Variants in TRMT5 observed in about 807,000 individuals in gnomAD.
TRMT5 encodes the protein tRNA (guanine(37)-N(1))-methyltransferase.
Under a neutral mutation model 42.2 loss-of-function variants are expected in TRMT5, and 31 were observed. The observed-to-expected ratio is 0.73, with a 90% CI of 0.55 to 0.99. TRMT5 has a LOEUF of 0.99. TRMT5 is among the 50% of genes least tolerant of loss of function. The probability of loss-of-function intolerance (pLI) is 0.00; values close to 1 mark genes in which losing one functional copy is unlikely to be tolerated. For missense variants in TRMT5, 568 were observed against 595.0 expected (o/e 0.95, Z 0.47); for synonymous variants, 198 against 209.6 (o/e 0.94, Z 0.48).
intron 1 of TRMT5, 90 bp from the exon 2 acceptor site, chr14:60,979,976 A>C (rs1011128790): frequency 1.5e-6 from 2 of 1,359,032 alleles, no homozygotes; most frequent in Admixed American, 5.2e-5. Flanking sequence ...CTAAATGCTG[A>C]CAAATAAAAC....
rs755184077 is a variant in TRMT5, at chr14:60,979,582, CTATT to C, written c.312_315del (p.Ile105SerfsTer4). The C allele has an allele frequency of 9.0e-4, 1,456 of 1,614,150 alleles. No individual in the cohort carries two copies. The highest frequency in any genetic ancestry group is 1.0e-3 in the Non-Finnish European group (1,224 of 1,180,028). On this transcript the variant is annotated frameshift_variant, in exon 2 of 5. Transcript: ENST00000261249. LOFTEE classifies it high-confidence loss of function. ...TTTAGGGATCGCATCAATTTACTGA[CTATT>C]TCTTTCCTCACTTTAAGCACTGGAA...
intron 2 of TRMT5, among the ~76,000 whole-genome samples, chr14:60,978,608 G>T (rs912813914): frequency 1.3e-5 from 2 of 152,064 alleles, no homozygotes; most frequent in African/African-American, 2.4e-5. Context: ...CTCTATGAAA[G>T]AAAGTTTATA....
Position 60,981,006 on chromosome 14 carries a change from C to A in TRMT5, c.-33G>T. The A allele has an allele frequency of 1.9e-6, 3 of 1,609,240 alleles. No individual in the cohort carries two copies. Among genetic ancestry groups the A allele is most frequent in the Non-Finnish European group, 2.5e-6 (3 of 1,179,784 alleles). On this transcript the variant is annotated 5_prime_UTR_variant, in exon 1 of 5. Coordinates refer to ENST00000261249, the MANE Select transcript of TRMT5 (RefSeq NM_020810.3). Reference sequence around the variant, plus strand: ...CCCCACGTCGCTCTGCAGCTGGATCCGCGAGCCGACCCCTCACCTCCCGCT... The same window carrying A: ...CCCCACGTCGCTCTGCAGCTGGATCAGCGAGCCGACCCCTCACCTCCCGCT...
rs749174605 is a variant in TRMT5, at chr14:60,979,218, A to G, written c.667+13T>C. Reference sequence around the variant, plus strand: ...TCCCTTCAAATACATGAATATTACTATGACACACGTACCAATTAAATGTTT... The same window carrying G: ...TCCCTTCAAATACATGAATATTACTGTGACACACGTACCAATTAAATGTTT... On this transcript the variant is annotated intron_variant, in intron 2 of 4. Coordinates refer to ENST00000261249, the MANE Select transcript of TRMT5 (RefSeq NM_020810.3). 1.3e-6 allele frequency: 2 copies of G among 1,564,772 alleles called. No homozygotes were observed. The highest frequency in any genetic ancestry group is 4.0e-5 in the Admixed American group (2 of 50,472).
Position 60,979,617 on chromosome 14 carries a change from ACTGT to A in TRMT5, c.277_280del (p.Thr93SerfsTer8), listed in dbSNP as rs1157874643. The A allele has an allele frequency of 1.9e-6, 3 of 1,613,976 alleles. No homozygotes were observed. The highest frequency in any genetic ancestry group is 2.5e-6 in the Non-Finnish European group (3 of 1,180,026). Reference sequence around the variant, plus strand: ...CCTCACTTTAAGCACTGGAATGTTGACTGTCTTTTTAAAAGCTGTTCTATCAAGT... The same window carrying A: ...CCTCACTTTAAGCACTGGAATGTTGACTTTTTAAAAGCTGTTCTATCAAGT... On this transcript the variant is annotated frameshift_variant, in exon 2 of 5. Coordinates refer to ENST00000261249, the MANE Select transcript of TRMT5 (RefSeq NM_020810.3). LOFTEE classifies it high-confidence loss of function.
chr14:60,972,279 C>G lies in TRMT5; in HGVS notation c.*2830G>C, dbSNP rs190788222. The G allele has an allele frequency of 8.8e-4, 470 of 534,246 alleles. 3 individuals carry two copies. The highest frequency in any genetic ancestry group is 6.4e-3 in the African/African-American group (334 of 52,274). 33.1% of individuals were successfully genotyped at this position (534,246 alleles called of 1,614,324 possible). ...ATCTCCAGCACCTTCCCGCTCCTTGCCAGCATCAGCTTTTCTCTTTTTCCC... is the reference window on the plus strand; with the variant it reads ...ATCTCCAGCACCTTCCCGCTCCTTGGCAGCATCAGCTTTTCTCTTTTTCCC... On this transcript the variant is annotated 3_prime_UTR_variant, in exon 5 of 5. Coordinates refer to ENST00000261249, the MANE Select transcript of TRMT5 (RefSeq NM_020810.3).
rs116677110 is a variant in TRMT5 at position 60,977,983 on chromosome 14, A to G, written c.668-345T>C. ...CACAAGGAATTGGGAAAGAATGGAAAGAGATGTAAAGGACCCTGGCAACAA... is the reference window on the plus strand; with the variant it reads ...CACAAGGAATTGGGAAAGAATGGAAGGAGATGTAAAGGACCCTGGCAACAA... On this transcript the variant is annotated intron_variant, in intron 2 of 4. Transcript: ENST00000261249. Among the ~76,000 whole-genome samples the G allele has an allele frequency of 7.1e-3, 1,089 of 152,348 alleles. 17 individuals are homozygous for G. The highest frequency in any genetic ancestry group is 0.025 in the African/African-American group (1,033 of 41,590).
rs1490879152 is a variant in TRMT5 at position 60,976,050 on chromosome 14, C to T, written c.869G>A (p.Ser290Asn). Residue 290 changes from serine (S) to asparagine (N), a missense_variant, in exon 4 of 5, where the codon AGC becomes AAC. Coordinates refer to ENST00000261249, the MANE Select transcript of TRMT5 (RefSeq NM_020810.3). ...YWNPRLSTEHSRITELLKPGD... is the reference protein window; with the variant it reads ...YWNPRLSTEHNRITELLKPGD... ...AGGTTTGAGAAGTTCTGTGATACGGCTGTGTTCTGTAGACAGACGAGGATT... is the reference window on the plus strand; with the variant it reads ...AGGTTTGAGAAGTTCTGTGATACGGTTGTGTTCTGTAGACAGACGAGGATT... 1.9e-6 allele frequency: 3 copies of T among 1,614,192 alleles called. No individual in the cohort carries two copies. The highest frequency in any genetic ancestry group is 2.5e-6 in the Non-Finnish European group (3 of 1,180,008).
rs2036799331 is a variant in TRMT5 at position 60,973,130 on chromosome 14, T to C, written c.*1979A>G. 1 of 152,234 alleles carries C rather than the reference T, an allele frequency of 6.6e-6. No homozygotes were observed. Among genetic ancestry groups the C allele is most frequent in the Non-Finnish European group, 1.5e-5 (1 of 68,052 alleles). 9.4% of individuals were successfully genotyped at this position (152,234 alleles called of 1,614,324 possible). A position where few individuals can be genotyped will look rare whatever the true frequency, so the allele number is the denominator to read the frequency against. ...ATAGTATGACAAATGTGTAAGGATA[T>C]TGTCATCAAATATTGTGATTCAAAT... On this transcript the variant is annotated 3_prime_UTR_variant, in exon 5 of 5. Coordinates refer to ENST00000261249, the MANE Select transcript of TRMT5 (RefSeq NM_020810.3).
rs2139637143 is a variant in TRMT5, at chr14:60,972,872, A to G, written c.*2237T>C. On this transcript the variant is annotated 3_prime_UTR_variant, in exon 5 of 5. Coordinates refer to ENST00000261249, the MANE Select transcript of TRMT5 (RefSeq NM_020810.3). ...TTAACTGAGCATATTCATCACTTGGAAAGCATTTGTAAAATTCTTTTACAT... is the reference window on the plus strand; with the variant it reads ...TTAACTGAGCATATTCATCACTTGGGAAGCATTTGTAAAATTCTTTTACAT... 6.5e-6 allele frequency: 1 copy of G among 152,702 alleles called. No individual in the cohort carries two copies. Among genetic ancestry groups the G allele is most frequent in the East Asian group, 1.9e-4 (1 of 5,192 alleles). 9.5% of individuals were successfully genotyped at this position (152,702 alleles called of 1,614,324 possible). A position where few individuals can be genotyped will look rare whatever the true frequency, so the allele number is the denominator to read the frequency against.
At chr14:60,980,181 T>A (rs1594929894) in intron 1 of TRMT5, among the ~76,000 whole-genome samples, 1 of 152,322 alleles carries the variant, frequency 6.6e-6, no homozygotes, top group Non-Finnish European at 1.5e-5. Flanking sequence ...AGATAATACA[T>A]TTGGGATTGG....
chr14:60,981,365 A>C (rs564284044), upstream of TRMT5: 4 of 1,605,340 alleles, frequency 2.5e-6, no homozygotes, highest in African/African-American at 2.7e-5. Context: ...CGAAGAGTTG[A>C]GTCCGTTGCT....
At chr14:60,976,909 T>G (rs2139642079) in intron 3 of TRMT5, among the ~76,000 whole-genome samples, 1 of 152,334 alleles carries the variant, frequency 6.6e-6, no homozygotes, top group South Asian at 2.1e-4. Context: ...TCAGCCATCA[T>G]CTTAAACTCA....
rs1283560914 is a variant in TRMT5 at position 60,975,174 on chromosome 14, G to C, written c.1465C>G (p.Leu489Val). The change falls in exon 5 of 5, where the codon CTT becomes GTT. Residue 489 changes from leucine (L) to valine (V), a missense_variant. By Grantham distance (32) the Leu-to-Val change is conservative (BLOSUM62 1). Transcript: ENST00000261249. The part of the protein sequence containing the change: ...RNPENHEDPP[L>V]KRQRTAEAFS... ...GCTTCAGCCGTCCTCTGCCTTTTAA[G>C]AGGTGGATCTTCATGATTCTCTGTA... 3 of 1,607,684 alleles carry C rather than the reference G, an allele frequency of 1.9e-6. No individual in the cohort carries two copies. In the South Asian group the frequency reaches 3.3e-5, roughly 18 times the overall value.
intron 2 of TRMT5, among the ~76,000 whole-genome samples, chr14:60,978,844 A>AT (rs1490324806): frequency 1.3e-5 from 2 of 152,230 alleles, no homozygotes; most frequent in African/African-American, 4.8e-5. Context: ...CAATGAAAGC[A>AT]TAAGTAAACA....
At chr14:60,981,325 C>T, upstream of TRMT5, 1 of 1,610,968 alleles carries the variant, frequency 6.2e-7, no homozygotes, top group Non-Finnish European at 8.5e-7. Flanking sequence ...GCTGGTATGT[C>T]TCTGTCCAGC....
At position 60,975,202 on chromosome 14, in the gene TRMT5, A is replaced by G. The variant is rs776094703; in HGVS notation, c.1445-8T>C. On this transcript the variant is annotated splice_region_variant and splice_polypyrimidine_tract_variant and intron_variant, in intron 4 of 4. Coordinates refer to ENST00000261249, the MANE Select transcript of TRMT5 (RefSeq NM_020810.3). ...GTGGATCTTCATGATTCTCTGTAAT[A>G]AATCCAGAAAACCTATTTTAGGTAA... 1.3e-6 allele frequency: 2 copies of G among 1,593,742 alleles called. No individual in the cohort carries two copies. The highest frequency in any genetic ancestry group is 1.4e-5 in the African/African-American group (1 of 73,628).
Position 60,974,977 on chromosome 14 carries a change from T to C in TRMT5, c.*132A>G, listed in dbSNP as rs1036534925. 1.9e-6 allele frequency: 1 copy of C among 530,322 alleles called. No individual in the cohort carries two copies. Among genetic ancestry groups the C allele is most frequent in the South Asian group, 4.4e-5 (1 of 22,490 alleles). The allele number at this position is 530,322 out of a possible 1,614,324, so 32.9% of individuals were successfully genotyped here. ...AGTTCAGTTAAAGTTTAATTGGTAA[T>C]CCTCAATTTGTAAAATAAGGCAAAG... On this transcript the variant is annotated 3_prime_UTR_variant, in exon 5 of 5. Transcript: ENST00000261249.
At chr14:60,975,432 T>C in intron 4 of TRMT5, 43 bp downstream of exon 4, 3 of 1,580,064 alleles carry the variant, frequency 1.9e-6, no homozygotes, top group Non-Finnish European at 2.6e-6. Flanking sequence ...TTAGTTACAA[T>C]TGAATGGCAA....
Sources: allele counts gnomAD v4.1 joint callset (sites outside exome capture counted in the v4.1 genomes callset), GRCh38; gene constraint gnomAD v4.1.1; transcripts MANE v1.5; gene names NCBI Gene and HGNC (gene_info 2026-07-23, HGNC 2026-07-21).